USH2A: variants seen among roughly 807,000 people sequenced by gnomAD.
USH2A encodes usherin.
USH2A carries 443 observed loss-of-function variants against 538.9 expected under a neutral mutation model. The observed-to-expected ratio is 0.82, with a 90% CI of 0.76 to 0.89. USH2A has a LOEUF of 0.89. Among genes scored for constraint, USH2A ranks in the 40% least tolerant of loss-of-function variants. The pLI is 0.00. For missense variants in USH2A, 6,633 were observed against 6,324.8 expected (o/e 1.05, Z -1.65); for synonymous variants, 2,413 against 2,273.5 (o/e 1.06, Z -1.75).
chr1:216,118,024 A>G (rs1277960448), intron 21 of USH2A, among the ~76,000 whole-genome samples: 1 of 152,226 alleles, frequency 6.6e-6, no homozygotes, highest in South Asian at 2.1e-4. Flanking sequence ...TGATTAAAAA[A>G]CAAATGCTAG....
At chr1:215,670,375 T>G (rs542733724) in intron 64 of USH2A, among the ~76,000 whole-genome samples, 1 of 152,212 alleles carries the variant, frequency 6.6e-6, no homozygotes, top group Non-Finnish European at 1.5e-5. Context: ...AAATGGACTC[T>G]GATGGCAAAA....
chr1:216,179,313 A>T lies in USH2A; in HGVS notation c.4397-3831T>A, dbSNP rs1050076474. Among the ~76,000 whole-genome samples, 4 of 151,798 alleles carry T rather than the reference A, an allele frequency of 2.6e-5. No individual in the cohort carries two copies. The East Asian group carries it at 5.8e-4, about 22-fold the overall frequency. ...GAAAATTAGAGCACACTTTTTTTTTAATTTGGCAAAGTGATTCTAATCAAT... is the reference window on the plus strand; with the variant it reads ...GAAAATTAGAGCACACTTTTTTTTTTATTTGGCAAAGTGATTCTAATCAAT... On this transcript the variant is annotated intron_variant, in intron 20 of 71. Transcript: ENST00000307340.
intron 30 of USH2A, among the ~76,000 whole-genome samples, chr1:216,050,615 T>TC (rs1558231959): frequency 3.8e-5 from 4 of 106,008 alleles, no homozygotes; most frequent in African/African-American, 1.3e-4. Flanking sequence ...TTTTTTTTTT[T>TC]TTTTTTTGAG....
At chr1:216,060,360 A>G (rs1244500943) in intron 30 of USH2A, among the ~76,000 whole-genome samples, 3 of 152,200 alleles carry the variant, frequency 2.0e-5, no homozygotes, top group African/African-American at 7.2e-5. Flanking sequence ...AGAGGCAAAA[A>G]TTAGAGGCAG....
At chr1:215,730,703 G>A (rs1659970798) in intron 60 of USH2A, among the ~76,000 whole-genome samples, 2 of 152,142 alleles carry the variant, frequency 1.3e-5, no homozygotes, top group African/African-American at 2.4e-5. Flanking sequence ...GATAAATCAC[G>A]ATGACCTAAG....
Position 215,888,644 on chromosome 1 carries a change from C to A in USH2A, c.8005G>T (p.Val2669Phe). The A allele has an allele frequency of 6.2e-7, 1 of 1,614,170 alleles. No homozygotes were observed. Among genetic ancestry groups the A allele is most frequent in the Non-Finnish European group, 8.5e-7 (1 of 1,180,010 alleles). ...CTCGGGAGAGTCACCAGGGTAGTAA[C>A]TTCTTCCTTTCCTTTGACTCTTCTC... ...IERRVKGKEE[V>F]TTLVTLPRSH... Residue 2669 changes from valine (V) to phenylalanine (F), a missense_variant, in exon 41 of 72, where the codon GTT (valine) becomes TTT (phenylalanine). Coordinates refer to ENST00000307340, the MANE Select transcript of USH2A (RefSeq NM_206933.4).
At position 215,629,035 on chromosome 1, in the gene USH2A, CCT is replaced by C. The variant is rs1198050233; in HGVS notation, c.15298-2_15298-1del. The C allele has an allele frequency of 2.5e-6, 4 of 1,612,516 alleles. No homozygotes were observed. The highest frequency in any genetic ancestry group is 2.7e-5 in the African/African-American group (2 of 74,832). On this transcript the variant is annotated splice_acceptor_variant, in intron 70 of 71. Coordinates refer to ENST00000307340, the MANE Select transcript of USH2A (RefSeq NM_206933.4). LOFTEE classifies it high-confidence loss of function. ...CGGGGAATTTTGGTATCGGCTAACCCCTGAGAAGGAAGTTGCTGTGAGTATTT... is the reference window on the plus strand; with the variant it reads ...CGGGGAATTTTGGTATCGGCTAACCCGAGAAGGAAGTTGCTGTGAGTATTT...
intron 21 of USH2A, among the ~76,000 whole-genome samples, chr1:216,153,974 A>T (rs2033890318): frequency 6.6e-6 from 1 of 152,206 alleles, no homozygotes; most frequent in South Asian, 2.1e-4. Flanking sequence ...ATCTGTTTTC[A>T]AGCAACTATA....
intron 14 of USH2A, among the ~76,000 whole-genome samples, chr1:216,231,259 A>ACCC (rs1491391548): frequency 1.0e-5 from 1 of 98,116 alleles, no homozygotes. Context: ...TTATATATAT[A>ACCC]ATATATATAT....
chr1:215,813,963 T>C lies in USH2A; in HGVS notation c.9571-59A>G, dbSNP rs919037050. 62 of 1,526,512 alleles carry C rather than the reference T, an allele frequency of 4.1e-5. No homozygotes were observed. In the African/African-American group the frequency reaches 8.2e-4, roughly 20 times the overall value. The allele number at this position is 1,526,512 out of a possible 1,614,324, so 94.6% of individuals were successfully genotyped here. A position where few individuals can be genotyped will look rare whatever the true frequency, so the allele number is the denominator to read the frequency against. On this transcript the variant is annotated intron_variant, in intron 48 of 71. Transcript: ENST00000307340. Reference sequence around the variant, plus strand: ...AGTTTAGTTAAGAGTGTTATACCACTGTATCTCATGTAATATAATTATTTT... The same window carrying C: ...AGTTTAGTTAAGAGTGTTATACCACCGTATCTCATGTAATATAATTATTTT...
chr1:216,405,113 C>T (rs2039372734), intron 3 of USH2A, among the ~76,000 whole-genome samples: 1 of 152,174 alleles, frequency 6.6e-6, no homozygotes, highest in African/African-American at 2.4e-5. Flanking sequence ...ACCTCAGCAT[C>T]CTGACGTGTG....
At chr1:216,260,341 A>T (rs151193750) in intron 11 of USH2A, among the ~76,000 whole-genome samples, 80 of 152,278 alleles carry the variant, frequency 5.3e-4, no homozygotes, top group African/African-American at 1.8e-3. Flanking sequence ...TTCCTATAGA[A>T]TCTTTGAGAG....
intron 67 of USH2A, among the ~76,000 whole-genome samples, chr1:215,641,713 A>T (rs572335828): frequency 1.7e-4 from 26 of 152,318 alleles, no homozygotes; most frequent in African/African-American, 6.0e-4. Flanking sequence ...ACTAAATTGA[A>T]TCTGATTCTT....
intron 47 of USH2A, among the ~76,000 whole-genome samples, chr1:215,836,544 TATATATATATATATATATA>T (rs1663530836): frequency 2.1e-4 from 3 of 14,572 alleles, no homozygotes; most frequent in Middle Eastern, 0.021. Flanking sequence ...ATATATATAA[TATATATATATATATATATA>T]TATTTTTTTT....
intron 21 of USH2A, among the ~76,000 whole-genome samples, chr1:216,156,295 C>CTTTTTTTTTTTTTTTTTTTTTTTTCTTTT (rs35698520): frequency 9.5e-6 from 1 of 105,526 alleles, no homozygotes; most frequent in Admixed American, 1.1e-4. Flanking sequence ...TTTTTTTTTT[C>CTTTTTTTTTTTTTTTTTTTTTTTTCTTTT]TTTTTTTTTT....
chr1:215,719,676 C>A (rs1659595478), intron 61 of USH2A, among the ~76,000 whole-genome samples: 1 of 151,940 alleles, frequency 6.6e-6, no homozygotes, highest in South Asian at 2.1e-4. Flanking sequence ...TTTATATTGC[C>A]CTTTACAGTA....
chr1:215,963,087 T>C (rs1667241280), intron 37 of USH2A, among the ~76,000 whole-genome samples: 1 of 152,084 alleles, frequency 6.6e-6, no homozygotes, highest in Non-Finnish European at 1.5e-5. Flanking sequence ...TTAGCAGCCA[T>C]CACAGGAAAG....
chr1:215,835,241 C>T (rs1405087854), intron 47 of USH2A, among the ~76,000 whole-genome samples: 1 of 149,776 alleles, frequency 6.7e-6, no homozygotes, highest in Non-Finnish European at 1.5e-5. Context: ...GCATACTTCC[C>T]TACTGGGTGA....
In USH2A at chr1:215,767,652, G is replaced by A. The variant is rs142535166; in HGVS notation, c.10940-864C>T. Among the ~76,000 whole-genome samples, 267 of 152,244 alleles carry A rather than the reference G, an allele frequency of 1.8e-3. 1 individual carries two copies. Among genetic ancestry groups the A allele is most frequent in the African/African-American group, 6.4e-3 (264 of 41,556 alleles). ...TAGAAGTTGTATATTGTTAGATTTC[G>A]CTGCTCTGTGCGTGGCTGGTGACCT... is the stretch of plus-strand genomic sequence containing the variant. On this transcript the variant is annotated intron_variant, in intron 55 of 71. Coordinates refer to ENST00000307340, the MANE Select transcript of USH2A (RefSeq NM_206933.4).
Sources: gnomAD v4.1 joint callset for allele counts (sites outside exome capture counted in the v4.1 genomes callset) on GRCh38, gnomAD v4.1.1 for gene constraint, MANE v1.5 for transcripts, NCBI Gene and HGNC (gene_info 2026-07-23, HGNC 2026-07-21) for gene names.